WDR70: variants seen among roughly 807,000 people sequenced by gnomAD.
The protein encoded by WDR70 is WD repeat-containing protein 70.
A neutral mutation model predicts 88.6 loss-of-function variants in WDR70; 53 were observed. That is an observed-to-expected ratio of 0.60 (90% CI 0.48 to 0.75). The LOEUF is 0.75. Ranked by LOEUF, WDR70 falls within the 30% of genes least tolerant of loss-of-function variation. The pLI, the probability that WDR70 is intolerant of heterozygous loss-of-function variation, is 0.00. For missense variants in WDR70, 610 were observed against 823.2 expected, an observed-to-expected ratio of 0.74 and a Z score of 3.17; for synonymous variants, 280 against 270.0, an observed-to-expected ratio of 1.04 and a Z score of -0.36.
intron 9 of WDR70, among the ~76,000 whole-genome samples, chr5:37,573,139 A>G (rs1404668369): frequency 6.6e-6 from 1 of 152,166 alleles, no homozygotes; most frequent in Non-Finnish European, 1.5e-5. Context: ...TAAAGCTGGA[A>G]GTTATGTAAG....
intron 10 of WDR70, among the ~76,000 whole-genome samples, chr5:37,617,753 T>G (rs574090623): frequency 6.6e-6 from 1 of 152,246 alleles, no homozygotes; most frequent in Non-Finnish European, 1.5e-5. Flanking sequence ...CTGTAGATAC[T>G]TAAATTGTAT....
At chr5:37,440,651 C>G (rs1163014752) in intron 6 of WDR70, among the ~76,000 whole-genome samples, 1 of 152,138 alleles carries the variant, frequency 6.6e-6, no homozygotes, top group Non-Finnish European at 1.5e-5. Flanking sequence ...AGCCTCCGAG[C>G]TCTGTTTTCT....
At chr5:37,644,822 C>T (rs918660904) in intron 10 of WDR70, among the ~76,000 whole-genome samples, 4 of 151,590 alleles carry the variant, frequency 2.6e-5, no homozygotes, top group African/African-American at 9.7e-5. Context: ...TGTAATAGCT[C>T]CTTTTTTATT....
chr5:37,717,026 T>C (rs1747672699), intron 13 of WDR70, among the ~76,000 whole-genome samples: 1 of 152,182 alleles, frequency 6.6e-6, no homozygotes, highest in Admixed American at 6.5e-5. Flanking sequence ...TAACTCCTTC[T>C]AGTCATGCTT....
chr5:37,549,801 G>A (rs1054981857), intron 9 of WDR70, among the ~76,000 whole-genome samples: 1 of 151,834 alleles, frequency 6.6e-6, no homozygotes, highest in Non-Finnish European at 1.5e-5. Flanking sequence ...ATTATGTTGA[G>A]GTATGTTCCT....
At chr5:37,390,712 G>T (rs1472900747) in intron 3 of WDR70, among the ~76,000 whole-genome samples, 3 of 143,060 alleles carry the variant, frequency 2.1e-5, no homozygotes, top group Non-Finnish European at 4.5e-5. Context: ...CAGAAAAAAA[G>T]TGCTGTTTTT....
At chr5:37,396,706 C>T in intron 5 of WDR70, 136 bp downstream of exon 5, 1 of 1,367,508 alleles carries the variant, frequency 7.3e-7, no homozygotes, top group East Asian at 2.6e-5. Context: ...GGCTTAACAC[C>T]TGTAATCCCA....
At chr5:37,628,398 T>C (rs561565926) in intron 10 of WDR70, among the ~76,000 whole-genome samples, 95 of 152,352 alleles carry the variant, frequency 6.2e-4, no homozygotes, top group African/African-American at 1.7e-3. Context: ...GGTGCTCCTG[T>C]GTTGGATGCA....
At chr5:37,533,553 G>A (rs1224130523) in intron 9 of WDR70, among the ~76,000 whole-genome samples, 1 of 151,944 alleles carries the variant, frequency 6.6e-6, no homozygotes, top group African/African-American at 2.4e-5. Context: ...AGTGGGCGGG[G>A]CCATAGAGCT....
At chr5:37,723,095 T>A in intron 15 of WDR70, 161 bp downstream of exon 15, 1 of 711,550 alleles carries the variant, frequency 1.4e-6, no homozygotes, top group South Asian at 1.8e-5. Flanking sequence ...ACAGCTAACC[T>A]CTGTGGCTTC....
At chr5:37,514,787 A>G (rs2366417) in intron 8 of WDR70, among the ~76,000 whole-genome samples, 137,139 of 152,066 alleles carry the variant, frequency 0.9, 63,470 homozygotes, top group East Asian at 1. Context: ...GAGGCGAGGC[A>G]AGCGGATCAC....
intron 3 of WDR70, among the ~76,000 whole-genome samples, chr5:37,386,191 GCTAT>G (rs1748610683): frequency 1.3e-5 from 2 of 152,014 alleles, no homozygotes; most frequent in South Asian, 4.2e-4. Context: ...ACAAAGACAT[GCTAT>G]CTGAGGCATT....
At chr5:37,535,825 T>C (rs977348501) in intron 9 of WDR70, among the ~76,000 whole-genome samples, 49 of 152,216 alleles carry the variant, frequency 3.2e-4, no homozygotes, top group African/African-American at 1.1e-3. Context: ...AAACTGATTA[T>C]ATTTTTCCCA....
At chr5:37,587,079 T>C (rs1743384590) in intron 9 of WDR70, among the ~76,000 whole-genome samples, 1 of 152,262 alleles carries the variant, frequency 6.6e-6, no homozygotes, top group East Asian at 1.9e-4. Flanking sequence ...TTTATCATCT[T>C]TCACTTGGAC....
At chr5:37,748,767 C>T (rs1485949998) in intron 17 of WDR70, among the ~76,000 whole-genome samples, 1 of 151,958 alleles carries the variant, frequency 6.6e-6, no homozygotes, top group Non-Finnish European at 1.5e-5. Context: ...AACATATTTA[C>T]AAGAAGAAAA....
chr5:37,564,014 C>G (rs957985046), intron 9 of WDR70, among the ~76,000 whole-genome samples: 2 of 148,610 alleles, frequency 1.3e-5, no homozygotes, highest in Non-Finnish European at 3.0e-5. Flanking sequence ...GGATGGCGGC[C>G]GGGCAGAGAC....
At chr5:37,585,303 T>G (rs1743335256) in intron 9 of WDR70, among the ~76,000 whole-genome samples, 1 of 152,116 alleles carries the variant, frequency 6.6e-6, no homozygotes, top group South Asian at 2.1e-4. Flanking sequence ...TTGTCCATTT[T>G]TTAAGGCCAA....
At chr5:37,728,988 A>G (rs1296982283) in intron 17 of WDR70, among the ~76,000 whole-genome samples, 3 of 152,034 alleles carry the variant, frequency 2.0e-5, no homozygotes, top group Non-Finnish European at 4.4e-5. Flanking sequence ...AAATATTGGT[A>G]TGGTCTCTTA....
chr5:37,567,799 G>A (rs976130632), intron 9 of WDR70, among the ~76,000 whole-genome samples: 2 of 152,046 alleles, frequency 1.3e-5, no homozygotes, highest in African/African-American at 4.8e-5. Flanking sequence ...AATCCACATC[G>A]GAAATGCTAA....
Sources: allele counts gnomAD v4.1 joint callset (sites outside exome capture counted in the v4.1 genomes callset), GRCh38; gene constraint gnomAD v4.1.1; transcripts MANE v1.5; gene names NCBI Gene and HGNC (gene_info 2026-07-23, HGNC 2026-07-21).